RNF24: variants seen among roughly 807,000 people sequenced by gnomAD.
RNF24 encodes the protein ring finger protein 24.
Under a neutral mutation model 20.0 loss-of-function variants are expected in RNF24, and 14 were observed. The observed-to-expected ratio is 0.70, with a 90% CI of 0.46 to 1.10. RNF24 has a LOEUF of 1.10. Among genes scored for constraint, RNF24 ranks in the 50% least tolerant of loss-of-function variants. The pLI is 0.00. For missense variants in RNF24, 124 were observed against 177.6 expected (o/e 0.70, Z 1.71); for synonymous variants, 45 against 61.1 (o/e 0.74, Z 1.23).
At chr20:3,959,622 A>G (rs899704094) in intron 2 of RNF24, among the ~76,000 whole-genome samples, 7 of 152,202 alleles carry the variant, frequency 4.6e-5, no homozygotes, top group African/African-American at 1.7e-4. Flanking sequence ...TCCAAGTTAC[A>G]TATGTTGTCA....
At chr20:3,969,338 T>G (rs1387704608) in intron 1 of RNF24, among the ~76,000 whole-genome samples, 1 of 152,140 alleles carries the variant, frequency 6.6e-6, no homozygotes, top group Non-Finnish European at 1.5e-5. Flanking sequence ...CAGCTAAATA[T>G]AACTAAAAAC....
chr20:4,004,552 G>C (rs1263213419), intron 1 of RNF24, among the ~76,000 whole-genome samples: 4 of 152,142 alleles, frequency 2.6e-5, no homozygotes. Flanking sequence ...CTGGAGATGA[G>C]AGCATTTTGG....
chr20:3,987,925 G>A (rs567708510), intron 1 of RNF24, among the ~76,000 whole-genome samples: 39 of 152,124 alleles, frequency 2.6e-4, no homozygotes, highest in African/African-American at 8.7e-4. Flanking sequence ...GTAAATTAGG[G>A]AAATTAAACA....
chr20:3,942,635 G>T (rs753188051), intron 4 of RNF24, among the ~76,000 whole-genome samples: 1 of 151,938 alleles, frequency 6.6e-6, no homozygotes, highest in East Asian at 1.9e-4. Context: ...ACCACGCCCG[G>T]CTAATTTTTT....
chr20:3,953,594 A>G (rs2091107470), intron 2 of RNF24, among the ~76,000 whole-genome samples: 1 of 149,824 alleles, frequency 6.7e-6, no homozygotes, highest in Non-Finnish European at 1.5e-5. Flanking sequence ...CCTCCCATGT[A>G]GCTGGGATTA....
At position 3,933,094 on chromosome 20, in the gene RNF24, TAGAA is replaced by T. The variant is rs1345067691; in HGVS notation, c.*965_*968del. 7.6e-5 allele frequency: 24 copies of T among 314,642 alleles called. No individual in the cohort carries two copies. The highest frequency in any genetic ancestry group is 8.6e-4 in the Middle Eastern group (1 of 1,160). 19.5% of individuals were successfully genotyped at this position (314,642 alleles called of 1,614,324 possible). A position where few individuals can be genotyped will look rare whatever the true frequency, so the allele number is the denominator to read the frequency against. ...TTTTTTTTTTTTTTTTTTTCTGAAGTAGAAAGAGAGATAGGGCAAGAGAGAGAAG... is the reference window on the plus strand; with the variant it reads ...TTTTTTTTTTTTTTTTTTTCTGAAGTAGAGAGATAGGGCAAGAGAGAGAAG... On this transcript the variant is annotated 3_prime_UTR_variant, in exon 6 of 6. Coordinates refer to ENST00000358395, the MANE Select transcript of RNF24 (RefSeq NM_001134337.3).
At chr20:4,010,918 G>T (rs1444515059) in intron 1 of RNF24, among the ~76,000 whole-genome samples, 4 of 152,142 alleles carry the variant, frequency 2.6e-5, no homozygotes, top group African/African-American at 9.7e-5. Flanking sequence ...GTCTGCACAG[G>T]TTCAAGAGGA....
intron 2 of RNF24, among the ~76,000 whole-genome samples, chr20:3,962,721 T>G (rs1425303362): frequency 6.6e-6 from 1 of 152,118 alleles, no homozygotes; most frequent in East Asian, 1.9e-4. Flanking sequence ...TATTTTTTTT[T>G]TTTTTTGAGA....
At chr20:3,950,126 G>C (rs935150702) in intron 2 of RNF24, among the ~76,000 whole-genome samples, 3 of 150,618 alleles carry the variant, frequency 2.0e-5, no homozygotes, top group African/African-American at 7.4e-5. Context: ...CTATTATTCT[G>C]CTCCATTGGT....
chr20:3,971,938 AT>A (rs796752153), intron 1 of RNF24, among the ~76,000 whole-genome samples: 9 of 152,320 alleles, frequency 5.9e-5, no homozygotes, highest in African/African-American at 2.2e-4. Context: ...TGATACATGC[AT>A]GTTGAAAAGG....
In RNF24 at chr20:3,932,955, A is replaced by G. The variant is rs2090842126; in HGVS notation, c.*1108T>C. On this transcript the variant is annotated 3_prime_UTR_variant, in exon 6 of 6. Coordinates refer to ENST00000358395, the MANE Select transcript of RNF24 (RefSeq NM_001134337.3). ...ACTGAGGCACACACCAACGGTGGACAGCCCTGCAGGAGCTTCCTGAAACTA... is the reference window on the plus strand; with the variant it reads ...ACTGAGGCACACACCAACGGTGGACGGCCCTGCAGGAGCTTCCTGAAACTA... 1 of 398,444 alleles carries G rather than the reference A, an allele frequency of 2.5e-6. No homozygotes were observed. Among genetic ancestry groups the G allele is most frequent in the South Asian group, 1.3e-4 (1 of 7,860 alleles). 24.7% of individuals were successfully genotyped at this position (398,444 alleles called of 1,614,324 possible). A position where few individuals can be genotyped will look rare whatever the true frequency, so the allele number is the denominator to read the frequency against.
At position 3,932,624 on chromosome 20, in the gene RNF24, T is replaced by C; in HGVS notation, c.*1439A>G. On this transcript the variant is annotated 3_prime_UTR_variant, in exon 6 of 6. Coordinates refer to ENST00000358395, the MANE Select transcript of RNF24 (RefSeq NM_001134337.3). ...GTAGCAAAGCTCCCTCCATCCATTC[T>C]CCATGTCACGCAGACTGTATTCCTA... is the stretch of plus-strand genomic sequence containing the variant. 1 of 285,668 alleles carries C rather than the reference T, an allele frequency of 3.5e-6. No homozygotes were observed. The highest frequency in any genetic ancestry group is 6.4e-6 in the Non-Finnish European group (1 of 155,662). The allele number at this position is 285,668 out of a possible 1,614,324, so 17.7% of individuals were successfully genotyped here. A position where few individuals can be genotyped will look rare whatever the true frequency, so the allele number is the denominator to read the frequency against.
chr20:3,948,418 T>C, intron 2 of RNF24, 139 bp from the exon 3 acceptor site: 1 of 601,090 alleles, frequency 1.7e-6, no homozygotes. Flanking sequence ...TACCCTGAAA[T>C]ACACCCAAAT....
intron 1 of RNF24, among the ~76,000 whole-genome samples, chr20:3,969,899 T>C (rs1250911035): frequency 3.3e-5 from 5 of 151,624 alleles, no homozygotes; most frequent in Non-Finnish European, 7.4e-5. Flanking sequence ...GCCTCCCGAG[T>C]AGCTGGGACT....
intron 2 of RNF24, among the ~76,000 whole-genome samples, chr20:3,958,723 CCT>C (rs1568629453): frequency 6.6e-6 from 1 of 152,180 alleles, no homozygotes; most frequent in Non-Finnish European, 1.5e-5. Flanking sequence ...CTCAATGCAA[CCT>C]CCACCTTCTG....
rs1261818912 is a variant in RNF24 at position 3,928,188 on chromosome 20, GAC to G, written c.*5873_*5874del. On this transcript the variant is annotated 3_prime_UTR_variant, in exon 6 of 6. Coordinates refer to ENST00000358395, the MANE Select transcript of RNF24 (RefSeq NM_001134337.3). ...GAAATCTGTAACAGCTACAGGAAAA[GAC>G]ACACCCAGGGCCAGAGATTCTACAA... The G allele has an allele frequency of 6.6e-6, 1 of 152,192 alleles. No homozygotes were observed. Among genetic ancestry groups the G allele is most frequent in the African/African-American group, 2.4e-5 (1 of 41,444 alleles). The allele number at this position is 152,192 out of a possible 1,614,324, so 9.4% of individuals were successfully genotyped here.
At chr20:3,948,204 A>G in intron 3 of RNF24, 33 bp downstream of exon 3, 1 of 1,540,082 alleles carries the variant, frequency 6.5e-7, no homozygotes, top group Non-Finnish European at 8.8e-7. Flanking sequence ...GGGGAAAAAA[A>G]AAATCAAAGC....
At chr20:3,942,634 G>A (rs867200691) in intron 4 of RNF24, among the ~76,000 whole-genome samples, 66 of 151,988 alleles carry the variant, frequency 4.3e-4, no homozygotes, top group African/African-American at 1.4e-3. Context: ...CACCACGCCC[G>A]GCTAATTTTT....
rs187726533 is a variant in RNF24, at chr20:3,960,840, A to G, written c.143+3035T>C. ...TTTTTAATTTTTATTTTTTTGAGAC[A>G]GGGTAGAGTGTGGCACAATCTTGGC... On this transcript the variant is annotated intron_variant, in intron 2 of 5. Transcript: ENST00000358395. Among the ~76,000 whole-genome samples, 9 of 152,070 alleles carry G rather than the reference A, an allele frequency of 5.9e-5. No homozygotes were observed. The East Asian group carries it at 1.8e-3, about 30-fold the overall frequency.
Sources: gnomAD v4.1 joint callset for allele counts (sites outside exome capture counted in the v4.1 genomes callset) on GRCh38, gnomAD v4.1.1 for gene constraint, MANE v1.5 for transcripts, NCBI Gene and HGNC (gene_info 2026-07-23, HGNC 2026-07-21) for gene names.